Variants in DCC observed in about 807,000 individuals in gnomAD.
DCC encodes the protein netrin receptor DCC.
DCC carries 58 observed loss-of-function variants against 172.5 expected under a neutral mutation model. The observed-to-expected ratio is 0.34, with a 90% CI of 0.27 to 0.42. The LOEUF (loss-of-function observed/expected upper bound fraction) is 0.42, where lower values mean the gene tolerates loss of function less well. DCC is among the 10% of genes least tolerant of loss of function. The pLI is 1.00. For synonymous variants in DCC, 709 were observed against 644.5 expected, an observed-to-expected ratio of 1.10 and a Z score of -1.52; for missense variants, 1,740 against 1,791.0, an observed-to-expected ratio of 0.97 and a Z score of 0.51.
chr18:53,513,976 A>G (rs1454533827), intron 27 of DCC, among the ~76,000 whole-genome samples: 3 of 151,504 alleles, frequency 2.0e-5, no homozygotes, highest in Middle Eastern at 3.4e-3. Context: ...ATACACATCT[A>G]CAGAACTCTC....
chr18:52,481,006 G>GA (rs917450152), intron 1 of DCC, among the ~76,000 whole-genome samples: 15 of 151,846 alleles, frequency 9.9e-5, no homozygotes, highest in Non-Finnish European at 1.8e-4. Context: ...GAGATTAAAT[G>GA]AAAAAAACTA....
At chr18:53,161,981 T>C (rs1028159126) in intron 8 of DCC, among the ~76,000 whole-genome samples, 4 of 152,216 alleles carry the variant, frequency 2.6e-5, no homozygotes, top group African/African-American at 9.6e-5. Context: ...ATTTTCATAA[T>C]AAACAATTAA....
chr18:52,831,166 C>T lies in DCC; in HGVS notation c.413-74878C>T, dbSNP rs7241289. ...TGGCAAGCAACCAACAGTGCAAAAC[C>T]TCCAAGGCATAAACATGACGGTCAT... On this transcript the variant is annotated intron_variant, in intron 2 of 28. Transcript: ENST00000442544. Among the ~76,000 whole-genome samples the T allele has an allele frequency of 5.7e-3, 866 of 152,180 alleles. 17 individuals are homozygous for T. Among genetic ancestry groups the T allele is most frequent in the African/African-American group, 0.02 (827 of 41,486 alleles).
chr18:53,047,249 T>G (rs2042251807), intron 5 of DCC, among the ~76,000 whole-genome samples: 1 of 3,562 alleles, frequency 2.8e-4, no homozygotes, highest in Non-Finnish European at 6.0e-4. Context: ...TATATATATA[T>G]ATATATATAT....
chr18:52,548,648 C>T (rs1261338578), intron 1 of DCC, among the ~76,000 whole-genome samples: 1 of 152,092 alleles, frequency 6.6e-6, no homozygotes, highest in Non-Finnish European at 1.5e-5. Flanking sequence ...TAGTGTAATG[C>T]AAGGCACAGC....
chr18:53,390,423 G>A (rs563231020), intron 16 of DCC, among the ~76,000 whole-genome samples: 24 of 152,078 alleles, frequency 1.6e-4, no homozygotes, highest in Non-Finnish European at 2.8e-4. Flanking sequence ...CCAGCCAGCA[G>A]TCACTCCACT....
intron 7 of DCC, among the ~76,000 whole-genome samples, chr18:53,136,029 TC>T (rs1410681480): frequency 1.3e-5 from 2 of 152,114 alleles, no homozygotes; most frequent in Non-Finnish European, 2.9e-5. Context: ...ATGTAAGTAG[TC>T]ATTATAACCA....
intron 28 of DCC, among the ~76,000 whole-genome samples, chr18:53,529,036 TCTCACACACACACA>T (rs1267053795): frequency 6.4e-5 from 3 of 46,754 alleles, no homozygotes; most frequent in East Asian, 1.7e-3. Context: ...TCTCTCTCTC[TCTCACACACACACA>T]CACACACACA....
At chr18:52,374,365 C>A (rs1346071933) in intron 1 of DCC, among the ~76,000 whole-genome samples, 1 of 152,066 alleles carries the variant, frequency 6.6e-6, no homozygotes, top group African/African-American at 2.4e-5. Flanking sequence ...ACACTTTTAT[C>A]TGAATTTTTT....
chr18:52,511,955 G>A lies in DCC; in HGVS notation c.91+171077G>A, dbSNP rs562787517. Among the ~76,000 whole-genome samples, 15 of 152,240 alleles carry A rather than the reference G, an allele frequency of 9.9e-5. No individual in the cohort carries two copies. In the South Asian group the frequency reaches 3.1e-3, roughly 32 times the overall value. On this transcript the variant is annotated intron_variant, in intron 1 of 28. Coordinates refer to ENST00000442544, the MANE Select transcript of DCC (RefSeq NM_005215.4). ...AGTTTGATGAAGCTGTTGAAAGGGTGCGGCTGTGTTTATATGATGTGTAAA... is the reference window on the plus strand; with the variant it reads ...AGTTTGATGAAGCTGTTGAAAGGGTACGGCTGTGTTTATATGATGTGTAAA...
chr18:53,083,021 AT>A (rs5824989), intron 7 of DCC, among the ~76,000 whole-genome samples: 76,450 of 150,468 alleles, frequency 0.51, 19,740 homozygotes, highest in African/African-American at 0.54. Flanking sequence ...TTCTAAGGTC[AT>A]TTTTTTTTTA....
chr18:52,550,988 G>A (rs945590975), intron 1 of DCC, among the ~76,000 whole-genome samples: 7 of 151,810 alleles, frequency 4.6e-5, no homozygotes, highest in Admixed American at 4.6e-4. Context: ...TGGAATAAGA[G>A]GTACATGTGC....
intron 24 of DCC, among the ~76,000 whole-genome samples, chr18:53,461,964 A>C (rs2045564818): frequency 6.6e-6 from 1 of 152,224 alleles, no homozygotes. Flanking sequence ...GCTGGAACAA[A>C]GTCTGTTTCA....
intron 21 of DCC, among the ~76,000 whole-genome samples, chr18:53,428,343 A>AAT (rs1361416418): frequency 6.3e-4 from 21 of 33,378 alleles, no homozygotes; most frequent in Non-Finnish European, 1.5e-3. Flanking sequence ...TATTGTATAT[A>AAT]ATATAATATA....
Position 52,815,496 on chromosome 18 carries a change from CTG to C in DCC, c.412+63125_412+63126del, listed in dbSNP as rs200217407. Among the ~76,000 whole-genome samples the C allele has an allele frequency of 5.1e-3, 769 of 152,032 alleles. 3 individuals carry two copies. The highest frequency in any genetic ancestry group is 0.014 in the South Asian group (67 of 4,810). On this transcript the variant is annotated intron_variant, in intron 2 of 28. Coordinates refer to ENST00000442544, the MANE Select transcript of DCC (RefSeq NM_005215.4). ...CCCTGTCCCCACCAATGTGAGGACA[CTG>C]TGAGAAGGCAGCCACTTGCAAAGAG...
intron 5 of DCC, among the ~76,000 whole-genome samples, chr18:53,018,507 G>C (rs1385155643): frequency 6.6e-6 from 1 of 152,044 alleles, no homozygotes; most frequent in Non-Finnish European, 1.5e-5. Flanking sequence ...TGATTGGATT[G>C]CTTCAATTTA....
At chr18:53,488,300 G>C (rs1211737590) in intron 26 of DCC, among the ~76,000 whole-genome samples, 1 of 152,086 alleles carries the variant, frequency 6.6e-6, no homozygotes, top group Non-Finnish European at 1.5e-5. Context: ...TTTTAAGCCT[G>C]AGAGGTGGAG....
At chr18:52,791,209 G>A (rs2037760822) in intron 2 of DCC, among the ~76,000 whole-genome samples, 1 of 152,142 alleles carries the variant, frequency 6.6e-6, no homozygotes, top group South Asian at 2.1e-4. Context: ...AAAGAGCCGG[G>A]CTGATTTTGC....
At chr18:52,969,026 A>C (rs893969092) in intron 5 of DCC, among the ~76,000 whole-genome samples, 10 of 151,972 alleles carry the variant, frequency 6.6e-5, no homozygotes, top group Admixed American at 6.6e-4. Context: ...ACAAAAAAAA[A>C]CGGTTCTCCT....
Sources: gnomAD v4.1 joint callset for allele counts (sites outside exome capture counted in the v4.1 genomes callset) on GRCh38, gnomAD v4.1.1 for gene constraint, MANE v1.5 for transcripts, NCBI Gene and HGNC (gene_info 2026-07-23, HGNC 2026-07-21) for gene names.